DACH2: variants seen among roughly 807,000 people sequenced by gnomAD.
DACH2 encodes dachshund family transcription factor 2.
A neutral mutation model predicts 35.8 loss-of-function variants in DACH2; 17 were observed. The observed-to-expected ratio is 0.48, with a 90% confidence interval of 0.33 to 0.71. The LOEUF (loss-of-function observed/expected upper bound fraction) is 0.71. Ranked by LOEUF, DACH2 falls within the 30% of genes least tolerant of loss-of-function variation. The probability of loss-of-function intolerance (pLI) is 0.02; values close to 1 mark genes in which losing one functional copy is unlikely to be tolerated. For missense variants in DACH2, 469 were observed against 472.7 expected (o/e 0.99, Z 0.07); for synonymous variants, 195 against 177.3 (o/e 1.10, Z -0.79).
intron 1 of DACH2, among the ~76,000 whole-genome samples, chrX:86,209,202 G>A (rs755010106): frequency 6.3e-5 from 7 of 111,527 alleles, no homozygotes; most frequent in Non-Finnish European, 1.3e-4. Context: ...AGGCAAAGAA[G>A]TTTGTTTCTT....
At chrX:86,597,383 T>A (rs182764062) in intron 3 of DACH2, among the ~76,000 whole-genome samples, 2 of 112,127 alleles carry the variant, frequency 1.8e-5, no homozygotes, top group East Asian at 5.6e-4. Flanking sequence ...TTTTTATTAA[T>A]CTCAAACTAC....
intron 2 of DACH2, among the ~76,000 whole-genome samples, chrX:86,416,362 T>C (rs965052549): frequency 1.8e-5 from 2 of 111,906 alleles, no homozygotes; most frequent in Non-Finnish European, 3.8e-5. Flanking sequence ...GTGGGATTTA[T>C]TGCATAGATG....
intron 1 of DACH2, among the ~76,000 whole-genome samples, chrX:86,165,442 G>A (rs1043739574): frequency 9.0e-6 from 1 of 110,924 alleles, no homozygotes; most frequent in Non-Finnish European, 1.9e-5. Flanking sequence ...TTACATTTCC[G>A]CCAACAATGT....
At chrX:86,459,611 G>A (rs1278459533) in intron 2 of DACH2, among the ~76,000 whole-genome samples, 1 of 111,149 alleles carries the variant, frequency 9.0e-6, no homozygotes, top group East Asian at 2.8e-4. Context: ...TTTCTTCTTT[G>A]TCACCTCTAT....
At chrX:86,431,174 G>A (rs924440543) in intron 2 of DACH2, among the ~76,000 whole-genome samples, 1 of 111,596 alleles carries the variant, frequency 9.0e-6, no homozygotes. Flanking sequence ...GCTGCAAAAA[G>A]CAAATTTGCA....
At chrX:86,585,493 C>T (rs1486560249) in intron 3 of DACH2, among the ~76,000 whole-genome samples, 2 of 110,606 alleles carry the variant, frequency 1.8e-5, no homozygotes, top group Non-Finnish European at 3.8e-5. Flanking sequence ...ATTATTTCCT[C>T]ACCCAGGTAA....
At chrX:86,423,403 C>T (rs773191497) in intron 2 of DACH2, among the ~76,000 whole-genome samples, 2 of 111,260 alleles carry the variant, frequency 1.8e-5, no homozygotes, top group Non-Finnish European at 3.8e-5. Context: ...TTTTGATTTG[C>T]ATTTCTCTGA....
chrX:86,652,455 G>A (rs1602742343), intron 4 of DACH2, among the ~76,000 whole-genome samples: 2 of 112,202 alleles, frequency 1.8e-5, no homozygotes, highest in Middle Eastern at 4.7e-3. Context: ...TCCTTTGGGT[G>A]TATACCCAGT....
Position 86,690,978 on chromosome X carries a change from A to G in DACH2, c.773-4043A>G, listed in dbSNP as rs766275324. Among the ~76,000 whole-genome samples the G allele has an allele frequency of 9.8e-5, 11 of 111,913 alleles. No individual in the cohort carries two copies. In the South Asian group the frequency reaches 4.0e-3, roughly 41 times the overall value. On this transcript the variant is annotated intron_variant, in intron 4 of 11. Coordinates refer to ENST00000373125, the MANE Select transcript of DACH2 (RefSeq NM_053281.3). ...CAAATAAATTATTCAGTTAATGAGG[A>G]TTTGCTCCATTTTCTACATTATCTT...
intron 1 of DACH2, among the ~76,000 whole-genome samples, chrX:86,255,191 G>A (rs917646199): frequency 5.4e-5 from 6 of 111,002 alleles, no homozygotes; most frequent in African/African-American, 2.0e-4. Context: ...AAAAAAGTAG[G>A]AAAAAGTTTT....
chrX:86,528,510 C>A (rs1443232664), intron 3 of DACH2, among the ~76,000 whole-genome samples: 1 of 111,478 alleles, frequency 9.0e-6, no homozygotes, highest in Non-Finnish European at 1.9e-5. Flanking sequence ...GATATTACAC[C>A]TCATTGTAAA....
chrX:86,488,691 A>G (rs2038051943), intron 2 of DACH2, among the ~76,000 whole-genome samples: 1 of 111,597 alleles, frequency 9.0e-6, no homozygotes, highest in Non-Finnish European at 1.9e-5. Context: ...CAATGTATAC[A>G]TGTATTGAAG....
intron 2 of DACH2, among the ~76,000 whole-genome samples, chrX:86,490,065 C>T (rs936496597): frequency 8.9e-6 from 1 of 111,977 alleles, no homozygotes; most frequent in Admixed American, 9.5e-5. Flanking sequence ...CTCTTTTTGT[C>T]TGCCACCATT....
chrX:86,284,211 G>A (rs1219422335), intron 1 of DACH2, among the ~76,000 whole-genome samples: 2 of 111,380 alleles, frequency 1.8e-5, no homozygotes, highest in Non-Finnish European at 3.8e-5. Flanking sequence ...TTTTTCCCCA[G>A]TAAGTATGAT....
intron 4 of DACH2, among the ~76,000 whole-genome samples, chrX:86,693,304 C>T (rs912528691): frequency 8.9e-6 from 1 of 112,113 alleles, no homozygotes; most frequent in Non-Finnish European, 1.9e-5. Flanking sequence ...TTTCTTCCCA[C>T]GTTTGATTGG....
chrX:86,663,364 T>C (rs1330348510), intron 4 of DACH2, among the ~76,000 whole-genome samples: 3 of 112,170 alleles, frequency 2.7e-5, no homozygotes, highest in African/African-American at 9.7e-5. Context: ...TTTTATGGAC[T>C]CTGAGAAATT....
At chrX:86,545,608 A>G (rs996873515) in intron 3 of DACH2, among the ~76,000 whole-genome samples, 2 of 112,097 alleles carry the variant, frequency 1.8e-5, no homozygotes, top group East Asian at 5.6e-4. Context: ...TAAAAACATA[A>G]CTAAGGACAA....
At chrX:86,522,547 A>G (rs1051488295) in intron 3 of DACH2, among the ~76,000 whole-genome samples, 3 of 111,556 alleles carry the variant, frequency 2.7e-5, no homozygotes, top group South Asian at 3.7e-4. Context: ...TCTGCTCTGT[A>G]CCAAGCAATA....
chrX:86,402,539 A>G (rs755999038), intron 2 of DACH2, among the ~76,000 whole-genome samples: 1 of 111,802 alleles, frequency 8.9e-6, no homozygotes, highest in East Asian at 2.8e-4. Context: ...AATGACACAA[A>G]TAAATGAGAA....
Sources: gnomAD v4.1 joint callset for allele counts (sites outside exome capture counted in the v4.1 genomes callset) on GRCh38, gnomAD v4.1.1 for gene constraint, MANE v1.5 for transcripts, NCBI Gene and HGNC (gene_info 2026-07-23, HGNC 2026-07-21) for gene names.